The following ADARB2 variants were observed in gnomAD, a reference collection of about 807,000 sequenced individuals.
ADARB2 encodes the protein adenosine deaminase RNA specific B2 (inactive), also known as inactive double-stranded RNA-specific editase B2.
ADARB2 carries 25 observed loss-of-function variants against 62.2 expected under a neutral mutation model. That is an observed-to-expected ratio of 0.40 (90% CI 0.29 to 0.56). ADARB2 has a LOEUF of 0.56. Among genes scored for constraint, ADARB2 ranks in the 20% least tolerant of loss-of-function variants. ADARB2 has a pLI of 0.43. For missense variants in ADARB2, 1,071 were observed against 1,077.4 expected, an observed-to-expected ratio of 0.99 and a Z score of 0.08; for synonymous variants, 572 against 500.8, an observed-to-expected ratio of 1.14 and a Z score of -1.90.
At chr10:1,685,833 A>G (rs1431307937) in intron 1 of ADARB2, among the ~76,000 whole-genome samples, 2 of 152,106 alleles carry the variant, frequency 1.3e-5, no homozygotes, top group South Asian at 2.1e-4. Context: ...CTTGTGCCCC[A>G]TGGGGCTGGG....
rs1205480007 is a variant in ADARB2, at chr10:1,233,806, C to T, written c.1401G>A (p.Arg467=). ...REDSERSIFV[R]LKEGGYRLRE... is the part of the protein sequence containing the mutation. ...GCAGCCGGTAGCCACCTTCTTTTAACCGCACGAATATCGATCGCTCTGAGT... is the reference window on the plus strand; with the variant it reads ...GCAGCCGGTAGCCACCTTCTTTTAATCGCACGAATATCGATCGCTCTGAGT... The change falls in exon 6 of 10, where the codon CGG becomes CGA. Residue 467 remains arginine, a synonymous_variant. Coordinates refer to ENST00000381312, the MANE Select transcript of ADARB2 (RefSeq NM_018702.4). 2 of 1,614,024 alleles carry T rather than the reference C, an allele frequency of 1.2e-6. No homozygotes were observed. Among genetic ancestry groups the T allele is most frequent in the Non-Finnish European group, 1.7e-6 (2 of 1,179,992 alleles).
chr10:1,648,072 A>G (rs1301012183), intron 1 of ADARB2, among the ~76,000 whole-genome samples: 2 of 152,238 alleles, frequency 1.3e-5, no homozygotes, highest in Non-Finnish European at 2.9e-5. Flanking sequence ...AAAGCCACAT[A>G]GACATGTTAG....
At chr10:1,656,329 TC>T (rs1256484931) in intron 1 of ADARB2, among the ~76,000 whole-genome samples, 8 of 152,190 alleles carry the variant, frequency 5.3e-5, no homozygotes, top group African/African-American at 1.9e-4. Context: ...CCACCAGGAA[TC>T]CCTGCCAGCC....
At chr10:1,207,020 A>G (rs1837077491) in intron 7 of ADARB2, among the ~76,000 whole-genome samples, 1 of 152,216 alleles carries the variant, frequency 6.6e-6, no homozygotes, top group African/African-American at 2.4e-5. Context: ...GTGTTAGTGA[A>G]TTGATCACTG....
At chr10:1,337,060 T>TTGTGTGTG (rs934933891) in intron 3 of ADARB2, among the ~76,000 whole-genome samples, 5 of 82,556 alleles carry the variant, frequency 6.1e-5, no homozygotes, top group African/African-American at 2.3e-4. Context: ...ACTTAAAGAT[T>TTGTGTGTG]TCTGTGTGTG....
chr10:1,221,809 A>G (rs1830698319), intron 6 of ADARB2, among the ~76,000 whole-genome samples: 1 of 152,080 alleles, frequency 6.6e-6, no homozygotes, highest in Non-Finnish European at 1.5e-5. Flanking sequence ...TTCTTAATCC[A>G]GTCTATCATT....
intron 1 of ADARB2, among the ~76,000 whole-genome samples, chr10:1,687,401 TGA>T (rs1262993133): frequency 6.6e-6 from 1 of 152,134 alleles, no homozygotes; most frequent in Non-Finnish European, 1.5e-5. Context: ...TCCTGAATTG[TGA>T]GTCATCTCGT....
chr10:1,497,163 A>G (rs554646502), intron 1 of ADARB2, among the ~76,000 whole-genome samples: 4 of 152,358 alleles, frequency 2.6e-5, no homozygotes, highest in African/African-American at 9.6e-5. Flanking sequence ...CTAAGAAGTT[A>G]TTGTGAATGT....
intron 1 of ADARB2, among the ~76,000 whole-genome samples, chr10:1,486,242 G>GTGTGTGTGTGTGTGTC (rs1564304799): frequency 2.6e-5 from 4 of 151,446 alleles, no homozygotes; most frequent in African/African-American, 9.8e-5. Context: ...GTGTGTGTGT[G>GTGTGTGTGTGTGTGTC]TGTGTTGTTA....
At chr10:1,463,214 G>T (rs1831201498) in intron 1 of ADARB2, among the ~76,000 whole-genome samples, 1 of 152,186 alleles carries the variant, frequency 6.6e-6, no homozygotes, top group African/African-American at 2.4e-5. Flanking sequence ...GTGTGTGGGG[G>T]CAGATGCCTG....
intron 1 of ADARB2, among the ~76,000 whole-genome samples, chr10:1,500,175 C>T (rs1207772332): frequency 6.6e-6 from 1 of 152,256 alleles, no homozygotes; most frequent in Non-Finnish European, 1.5e-5. Context: ...GTGCCTCCCA[C>T]TGAACCCAGC....
At chr10:1,348,890 C>G (rs936250692) in intron 3 of ADARB2, among the ~76,000 whole-genome samples, 2 of 152,150 alleles carry the variant, frequency 1.3e-5, no homozygotes, top group Non-Finnish European at 2.9e-5. Flanking sequence ...GGCATGCAAG[C>G]GACAGCGGCC....
At chr10:1,626,869 A>C (rs1205791723) in intron 1 of ADARB2, among the ~76,000 whole-genome samples, 1 of 152,140 alleles carries the variant, frequency 6.6e-6, no homozygotes, top group Non-Finnish European at 1.5e-5. Context: ...CCAACCTAAT[A>C]TAAACATGTA....
chr10:1,544,908 A>G (rs539312029), intron 1 of ADARB2, among the ~76,000 whole-genome samples: 16 of 148,328 alleles, frequency 1.1e-4, no homozygotes, highest in South Asian at 1.1e-3. Context: ...TAAAGTCTAC[A>G]TATTAGGTAA....
rs990445003 is a variant in ADARB2, at chr10:1,230,319, C to T, written c.1513+3375G>A. Among the ~76,000 whole-genome samples, 85 of 152,242 alleles carry T rather than the reference C, an allele frequency of 5.6e-4. 1 individual carries two copies. Among genetic ancestry groups the T allele is most frequent in the African/African-American group, 1.9e-3 (80 of 41,554 alleles). ...TTAATCCATAGGAGGGAGGCAGTGCCAGCTGCAGACCTCTGGGAACAGTGC... is the reference window on the plus strand; with the variant it reads ...TTAATCCATAGGAGGGAGGCAGTGCTAGCTGCAGACCTCTGGGAACAGTGC... On this transcript the variant is annotated intron_variant, in intron 6 of 9. Transcript: ENST00000381312.
At chr10:1,605,850 C>G (rs1215176936) in intron 1 of ADARB2, among the ~76,000 whole-genome samples, 1 of 152,102 alleles carries the variant, frequency 6.6e-6, no homozygotes, top group Non-Finnish European at 1.5e-5. Context: ...GGACTAGCAG[C>G]CCATTATCTG....
chr10:1,446,102 C>T (rs1490029846), intron 1 of ADARB2, among the ~76,000 whole-genome samples: 1 of 152,164 alleles, frequency 6.6e-6, no homozygotes, highest in African/African-American at 2.4e-5. Flanking sequence ...TAAGTTAATG[C>T]TTTGCGTTGT....
intron 1 of ADARB2, among the ~76,000 whole-genome samples, chr10:1,645,319 A>T (rs2119064109): frequency 6.6e-6 from 1 of 152,282 alleles, no homozygotes; most frequent in Non-Finnish European, 1.5e-5. Context: ...AAAAAGACTG[A>T]TTCTATATGT....
intron 1 of ADARB2, among the ~76,000 whole-genome samples, chr10:1,730,178 C>G (rs905613638): frequency 1.3e-5 from 2 of 152,158 alleles, no homozygotes; most frequent in Non-Finnish European, 2.9e-5. Flanking sequence ...ACAACAGCCA[C>G]AGAGAGAAAC....
Sources: allele counts gnomAD v4.1 joint callset (sites outside exome capture counted in the v4.1 genomes callset), GRCh38; gene constraint gnomAD v4.1.1; transcripts MANE v1.5; gene names NCBI Gene and HGNC (gene_info 2026-07-23, HGNC 2026-07-21).